NLGN4X: variants seen among roughly 807,000 people sequenced by gnomAD.
The protein encoded by NLGN4X is neuroligin 4 X-linked.
NLGN4X carries 3 observed loss-of-function variants against 40.3 expected under a neutral mutation model. The ratio of observed to expected loss-of-function variants is 0.07; its 90% CI spans 0.03 to 0.19. The LOEUF is 0.19. Among genes scored for constraint, NLGN4X ranks in the 10% least tolerant of loss-of-function variants. The probability of loss-of-function intolerance (pLI) is 1.00; values close to 1 mark genes in which losing one functional copy is unlikely to be tolerated. For missense variants in NLGN4X, 382 were observed against 708.3 expected (o/e 0.54, Z 5.23); for synonymous variants, 270 against 306.8 (o/e 0.88, Z 1.25).
chrX:6,193,998 C>T (rs890307091), intron 1 of NLGN4X, among the ~76,000 whole-genome samples: 1 of 111,917 alleles, frequency 8.9e-6, no homozygotes, highest in Non-Finnish European at 1.9e-5. Context: ...AACAACACTG[C>T]CATTGACTCT....
intron 2 of NLGN4X, among the ~76,000 whole-genome samples, chrX:6,139,690 C>A: frequency 9.0e-6 from 1 of 111,352 alleles, no homozygotes; most frequent in East Asian, 2.8e-4. Flanking sequence ...TAAAGCAGTC[C>A]CTGAAGACAC....
chrX:6,135,224 G>T (rs1047814972), intron 2 of NLGN4X, among the ~76,000 whole-genome samples: 7 of 111,609 alleles, frequency 6.3e-5, no homozygotes, highest in Non-Finnish European at 1.1e-4. Context: ...ACATAGAACT[G>T]CCTGGATAAC....
intron 1 of NLGN4X, among the ~76,000 whole-genome samples, chrX:6,179,238 A>T (rs182068552): frequency 9.0e-6 from 1 of 111,531 alleles, no homozygotes; most frequent in African/African-American, 3.3e-5. Flanking sequence ...GGACTAAGCT[A>T]AGAGAGCTCC....
At chrX:5,981,177 G>A (rs2147065724) in intron 3 of NLGN4X, among the ~76,000 whole-genome samples, 1 of 110,624 alleles carries the variant, frequency 9.0e-6, no homozygotes, top group East Asian at 2.8e-4. Context: ...GTACGTTTGT[G>A]ACGGATTGGA....
chrX:6,133,358 A>G (rs965192058), intron 2 of NLGN4X, among the ~76,000 whole-genome samples: 19 of 112,081 alleles, frequency 1.7e-4, no homozygotes, highest in African/African-American at 5.8e-4. Context: ...TCTACGGCTA[A>G]TAATTCCTTG....
In NLGN4X at chrX:5,978,266, CTCTTTTTTTCTT is replaced by C. The variant is rs1399967726; in HGVS notation, c.625+51002_625+51013del. On this transcript the variant is annotated intron_variant, in intron 3 of 5. Transcript: ENST00000381095. ...CAACTGGAATTAAAAAGACAGGCGT[CTCTTTTTTTCTT>C]TCTTTCTTTCTTTCTTTCTTTCTTT... 3.5e-3 allele frequency among the ~76,000 whole-genome samples: 369 copies of C among 104,022 alleles called. 9 individuals are homozygous for C. The highest frequency in any genetic ancestry group is 0.013 in the African/African-American group (349 of 26,814). The allele number at this position is 104,022 out of a possible 115,157, so 90.3% of individuals were successfully genotyped here. A position where few individuals can be genotyped will look rare whatever the true frequency, so the allele number is the denominator to read the frequency against.
intron 2 of NLGN4X, among the ~76,000 whole-genome samples, chrX:6,140,467 C>G (rs377754695): frequency 4.8e-5 from 3 of 63,156 alleles, no homozygotes; most frequent in African/African-American, 7.0e-5. Flanking sequence ...GACACACACA[C>G]ACACACACAC....
intron 1 of NLGN4X, among the ~76,000 whole-genome samples, chrX:6,215,830 C>T (rs1213779563): frequency 9.0e-6 from 1 of 111,212 alleles, no homozygotes; most frequent in East Asian, 2.8e-4. Context: ...CTGTCTACTC[C>T]CAGTGAAGTG....
chrX:5,941,180 GGTGTGTGTGTGTGTGTGTGTGTGTGTGT>G lies in NLGN4X; in HGVS notation c.626-31969_626-31942del, dbSNP rs3220455. On this transcript the variant is annotated intron_variant, in intron 3 of 5. Coordinates refer to ENST00000381095, the MANE Select transcript of NLGN4X (RefSeq NM_181332.3). ...CGTTGTTCTGGATCGTATGCTAGGG[GGTGTGTGTGTGTGTGTGTGTGTGTGTGT>G]GTGTGTGTGTGTGTGTGTGTGTGTT... Among the ~76,000 whole-genome samples the G allele has an allele frequency of 3.5e-3, 205 of 58,624 alleles. 2 individuals carry two copies. Among genetic ancestry groups the G allele is most frequent in the African/African-American group, 0.011 (186 of 17,293 alleles). The allele number at this position is 58,624 out of a possible 115,157, so 50.9% of individuals were successfully genotyped here.
At chrX:5,989,952 C>T (rs780992087) in intron 3 of NLGN4X, among the ~76,000 whole-genome samples, 73 of 111,149 alleles carry the variant, frequency 6.6e-4, no homozygotes, top group African/African-American at 2.2e-3. Context: ...TAAAACGTTA[C>T]GTGAATGTGA....
chrX:5,890,699 G>T lies in NLGN4X; in HGVS notation c.*2118C>A. ...AATCTTACCATGACACCTCTCTGTA[G>T]GAAAGAAATGTTGCTTCACGTGTGC... On this transcript the variant is annotated 3_prime_UTR_variant, in exon 6 of 6. Coordinates refer to ENST00000381095, the MANE Select transcript of NLGN4X (RefSeq NM_181332.3). 3.1e-6 allele frequency: 1 copy of T among 318,792 alleles called. No homozygotes were observed. The highest frequency in any genetic ancestry group is 2.6e-5 in the African/African-American group (1 of 37,835). The allele number at this position is 318,792 out of a possible 1,213,427, so 26.3% of individuals were successfully genotyped here.
chrX:6,212,335 A>T, intron 1 of NLGN4X, among the ~76,000 whole-genome samples: 1 of 111,148 alleles, frequency 9.0e-6, no homozygotes, highest in Non-Finnish European at 1.9e-5. Flanking sequence ...TAAAAAAAAA[A>T]GACTGCTTCT....
intron 2 of NLGN4X, among the ~76,000 whole-genome samples, chrX:6,131,475 C>T (rs1037745791): frequency 1.8e-5 from 2 of 112,097 alleles, no homozygotes; most frequent in African/African-American, 6.5e-5. Context: ...CCAATCACCC[C>T]TCTGCAGAAT....
intron 3 of NLGN4X, among the ~76,000 whole-genome samples, chrX:5,975,956 C>A (rs1330211546): frequency 1.8e-5 from 2 of 111,117 alleles, no homozygotes; most frequent in Admixed American, 1.9e-4. Flanking sequence ...CTTCTCCTAC[C>A]TTCCCCACCT....
chrX:6,061,555 A>G (rs1358393681), intron 2 of NLGN4X: 1 of 111,757 alleles, frequency 8.9e-6, no homozygotes, highest in African/African-American at 3.3e-5. Context: ...TTTACCCCCA[A>G]CACTCCACCA....
chrX:6,012,274 C>G (rs998019993), intron 3 of NLGN4X, among the ~76,000 whole-genome samples: 1 of 112,508 alleles, frequency 8.9e-6, no homozygotes, highest in Non-Finnish European at 1.9e-5. Flanking sequence ...GGGAAAAACG[C>G]TTTTACTCCT....
chrX:5,947,690 T>A (rs1284120487), intron 3 of NLGN4X, among the ~76,000 whole-genome samples: 1 of 112,133 alleles, frequency 8.9e-6, no homozygotes, highest in Non-Finnish European at 1.9e-5. Flanking sequence ...GGAAATAAGA[T>A]ATATTACGTG....
intron 3 of NLGN4X, among the ~76,000 whole-genome samples, chrX:5,935,980 T>A (rs745987367): frequency 1.2e-4 from 13 of 112,097 alleles, no homozygotes; most frequent in Non-Finnish European, 2.4e-4. Flanking sequence ...GTGGTTATCC[T>A]TAGGACAGGT....
At chrX:6,203,457 C>CATGT (rs1296776685) in intron 1 of NLGN4X, among the ~76,000 whole-genome samples, 1 of 112,402 alleles carries the variant, frequency 8.9e-6, no homozygotes, top group Non-Finnish European at 1.9e-5. Flanking sequence ...CAACCAATAG[C>CATGT]ATGTAGCAAA....
Sources: allele counts gnomAD v4.1 joint callset (sites outside exome capture counted in the v4.1 genomes callset), GRCh38; gene constraint gnomAD v4.1.1; transcripts MANE v1.5; gene names NCBI Gene and HGNC (gene_info 2026-07-23, HGNC 2026-07-21).